The following DPYD variants were observed in gnomAD, a reference collection of about 807,000 sequenced individuals.
DPYD encodes the protein dihydropyrimidine dehydrogenase.
DPYD carries 109 observed loss-of-function variants against 116.2 expected under a neutral mutation model. The observed-to-expected ratio is 0.94, with a 90% CI of 0.80 to 1.10. DPYD has a LOEUF of 1.10. DPYD is among the 50% of genes least tolerant of loss of function. The pLI is 0.00. For missense variants in DPYD, 1,302 were observed against 1,254.5 expected, an observed-to-expected ratio of 1.04 and a Z score of -0.57; for synonymous variants, 440 against 432.0, an observed-to-expected ratio of 1.02 and a Z score of -0.23.
chr1:97,229,122 T>C (rs1352148564), intron 19 of DPYD, among the ~76,000 whole-genome samples: 1 of 144,952 alleles, frequency 6.9e-6, no homozygotes, highest in East Asian at 2.0e-4. Flanking sequence ...GAGAATGGTG[T>C]GAACCCGGGA....
intron 5 of DPYD, among the ~76,000 whole-genome samples, chr1:97,708,724 G>T (rs1322616440): frequency 6.6e-6 from 1 of 151,844 alleles, no homozygotes; most frequent in Non-Finnish European, 1.5e-5. Context: ...AGATCTAATT[G>T]GGAAGACCTG....
intron 20 of DPYD, among the ~76,000 whole-genome samples, chr1:97,102,810 T>G (rs1267813365): frequency 6.6e-6 from 1 of 152,026 alleles, no homozygotes; most frequent in Non-Finnish European, 1.5e-5. Flanking sequence ...AGTGTCAGAT[T>G]GAATTATATG....
At chr1:97,794,311 A>G (rs1032894043) in intron 3 of DPYD, among the ~76,000 whole-genome samples, 1 of 152,218 alleles carries the variant, frequency 6.6e-6, no homozygotes, top group African/African-American at 2.4e-5. Context: ...CATATCTGAT[A>G]AGAACTTGAA....
At chr1:97,445,938 G>A (rs776245746) in intron 14 of DPYD, among the ~76,000 whole-genome samples, 3 of 152,010 alleles carry the variant, frequency 2.0e-5, no homozygotes, top group Non-Finnish European at 4.4e-5. Flanking sequence ...TGTTGGTCAG[G>A]CTGGTCACAA....
At chr1:97,599,641 T>C (rs896747297) in intron 8 of DPYD, among the ~76,000 whole-genome samples, 3 of 151,496 alleles carry the variant, frequency 2.0e-5, no homozygotes, top group Non-Finnish European at 4.4e-5. Context: ...TCTTTGGAGA[T>C]AGACTCACAA....
intron 2 of DPYD, among the ~76,000 whole-genome samples, chr1:97,857,854 G>C (rs895964485): frequency 6.6e-6 from 1 of 151,972 alleles, no homozygotes; most frequent in Non-Finnish European, 1.5e-5. Context: ...CTCGAGGCCT[G>C]AGCCTTCAGC....
chr1:97,635,558 T>C (rs1657510747), intron 8 of DPYD, among the ~76,000 whole-genome samples: 1 of 152,190 alleles, frequency 6.6e-6, no homozygotes, highest in African/African-American at 2.4e-5. Flanking sequence ...GAAATTATTC[T>C]CTAGCTATTA....
intron 19 of DPYD, among the ~76,000 whole-genome samples, chr1:97,223,586 A>C (rs1660918322): frequency 1.3e-5 from 2 of 152,096 alleles, no homozygotes; most frequent in Non-Finnish European, 2.9e-5. Context: ...TTCAGTGAAA[A>C]AAGTCATATA....
intron 3 of DPYD, among the ~76,000 whole-genome samples, chr1:97,756,085 G>C (rs1034139297): frequency 2.0e-5 from 3 of 152,094 alleles, no homozygotes; most frequent in African/African-American, 4.8e-5. Context: ...ATGTTAACTA[G>C]AAAACATGAT....
chr1:97,248,749 T>A (rs1662888843), intron 18 of DPYD, among the ~76,000 whole-genome samples: 2 of 152,256 alleles, frequency 1.3e-5, no homozygotes, highest in South Asian at 2.1e-4. Flanking sequence ...AAAATCAGAC[T>A]TTATGTTAAA....
chr1:97,531,388 C>T (rs1441498854), intron 12 of DPYD, among the ~76,000 whole-genome samples: 3 of 152,140 alleles, frequency 2.0e-5, no homozygotes, highest in Non-Finnish European at 2.9e-5. Context: ...CCTTTCCCCG[C>T]TATGCATTCT....
At chr1:97,409,283 C>T (rs1673846463) in intron 14 of DPYD, among the ~76,000 whole-genome samples, 1 of 152,098 alleles carries the variant, frequency 6.6e-6, no homozygotes, top group Non-Finnish European at 1.5e-5. Context: ...TCTTTGCTCT[C>T]ATTAACTATG....
chr1:97,685,524 A>T (rs1380478812), intron 7 of DPYD, among the ~76,000 whole-genome samples: 1 of 152,212 alleles, frequency 6.6e-6, no homozygotes, highest in Non-Finnish European at 1.5e-5. Flanking sequence ...AATAAAGAGT[A>T]TTCAAATAGG....
Position 97,699,546 on chromosome 1 carries a change from A to G in DPYD, c.485T>C (p.Val162Ala). 6.2e-7 allele frequency: 1 copy of G among 1,613,302 alleles called. No individual in the cohort carries two copies. The change falls in exon 6 of 23, where the codon GTA becomes GCA. Residue 162 changes from valine (V) to alanine (A), a missense_variant and splice_region_variant. Val to Ala is a moderately conservative substitution (Grantham distance 64). Transcript: ENST00000370192. ...CTGTGGGATACTCATTGCTTTGAAT[A>G]CCTACGGGGAAATCAATTGTCATGG... ...IGGLQQFATE[V>A]FKAMSIPQIR...
At chr1:97,215,600 T>C (rs1268090129) in intron 19 of DPYD, among the ~76,000 whole-genome samples, 1 of 152,178 alleles carries the variant, frequency 6.6e-6, no homozygotes, top group East Asian at 1.9e-4. Flanking sequence ...CTCTCATACC[T>C]TTCCTTGTAG....
chr1:97,515,184 G>A (rs1022954412), intron 13 of DPYD, among the ~76,000 whole-genome samples: 4 of 151,782 alleles, frequency 2.6e-5, no homozygotes, highest in South Asian at 2.1e-4. Flanking sequence ...ACTTTAATAC[G>A]TAGTTTATTT....
intron 16 of DPYD, among the ~76,000 whole-genome samples, chr1:97,323,148 T>C (rs551713167): frequency 6.7e-6 from 1 of 149,962 alleles, no homozygotes; most frequent in South Asian, 2.1e-4. Flanking sequence ...TGTATAGGCA[T>C]ATATATGTGT....
chr1:97,290,331 A>T (rs554063730), intron 18 of DPYD, among the ~76,000 whole-genome samples: 1,829 of 152,202 alleles, frequency 0.012, 30 homozygotes, highest in Middle Eastern at 0.044. Context: ...ATTGGAAAAA[A>T]CTACTTTAAA....
At chr1:97,530,714 T>C (rs963484339) in intron 12 of DPYD, among the ~76,000 whole-genome samples, 1 of 152,232 alleles carries the variant, frequency 6.6e-6, no homozygotes, top group South Asian at 2.1e-4. Flanking sequence ...CTGTTTTCTA[T>C]AGCAGTTTCA....
Sources: gnomAD v4.1 joint callset for allele counts (sites outside exome capture counted in the v4.1 genomes callset) on GRCh38, gnomAD v4.1.1 for gene constraint, MANE v1.5 for transcripts, NCBI Gene and HGNC (gene_info 2026-07-23, HGNC 2026-07-21) for gene names.